Variants in TUBGCP5 observed in about 807,000 individuals in gnomAD.
TUBGCP5 encodes the protein tubulin gamma complex component 5.
TUBGCP5 carries 98 observed loss-of-function variants against 134.7 expected under a neutral mutation model. The observed-to-expected ratio is 0.73, with a 90% CI of 0.62 to 0.86. TUBGCP5 has a LOEUF of 0.86. Ranked by LOEUF, TUBGCP5 falls within the 40% of genes least tolerant of loss-of-function variation. The pLI is 0.00. For missense variants in TUBGCP5, 1,150 were observed against 1,244.8 expected (o/e 0.92, Z 1.15); for synonymous variants, 456 against 431.4 (o/e 1.06, Z -0.71).
rs576974530 is a variant in TUBGCP5 at position 22,993,373 on chromosome 15, C to T, written c.*61+3472G>A. Among the ~76,000 whole-genome samples, 26 of 150,888 alleles carry T rather than the reference C, an allele frequency of 1.7e-4. No individual in the cohort carries two copies. The South Asian group carries it at 5.1e-3, about 29-fold the overall frequency. On this transcript the variant is annotated intron_variant and NMD_transcript_variant, in intron 23 of 23. Coordinates refer to the TUBGCP5 transcript ENST00000614508. ...TCTGCCTCCCAAAGTGCTGAGATTA[C>T]AGGTGTGAGCCACCGCGCCCAGCTG...
In TUBGCP5 at chr15:23,004,148, T is replaced by G. The variant is rs200928789; in HGVS notation, c.2792A>C (p.Tyr931Ser). ...GTCATGGATGGTTGACAGATACCTA[T>G]AGTGAATTTTAATCAATTGATCTAA... ...KDLDQLIKIH[Y>S]RYLSTIHDRC... The change falls in exon 20 of 23, where the codon TAT becomes TCT. Residue 931 changes from tyrosine (Y) to serine (S), a missense_variant. Transcript: ENST00000615383. 4.3e-5 allele frequency: 69 copies of G among 1,613,442 alleles called. No homozygotes were observed. Among genetic ancestry groups the G allele is most frequent in the Middle Eastern group, 1.6e-4 (1 of 6,084 alleles).
At chr15:23,032,291 A>G (rs1369333572) in intron 4 of TUBGCP5, among the ~76,000 whole-genome samples, 1 of 152,138 alleles carries the variant, frequency 6.6e-6, no homozygotes, top group Non-Finnish European at 1.5e-5. Context: ...ATCTGAGGGG[A>G]ATTGGTTCCA....
intron 4 of TUBGCP5, 80 bp from the exon 5 acceptor site, chr15:23,032,109 T>C: frequency 2.1e-6 from 2 of 944,478 alleles, no homozygotes; most frequent in South Asian, 3.6e-5. Context: ...GAAAAAAGAC[T>C]AACAAGACTC....
At chr15:23,033,816 T>C (rs896813418) in intron 3 of TUBGCP5, among the ~76,000 whole-genome samples, 1 of 152,192 alleles carries the variant, frequency 6.6e-6, no homozygotes, top group African/African-American at 2.4e-5. Flanking sequence ...TATGAAATGG[T>C]AGGCACTTTT....
downstream of TUBGCP5, among the ~76,000 whole-genome samples, chr15:22,996,365 C>T (rs1312010868): frequency 6.6e-6 from 1 of 152,112 alleles, no homozygotes; most frequent in Non-Finnish European, 1.5e-5. Context: ...ATGTCTTGGG[C>T]TGGGTGCAAT....
chr15:23,031,052 A>T, intron 5 of TUBGCP5, 32 bp from the exon 6 acceptor site: 1 of 1,583,920 alleles, frequency 6.3e-7, no homozygotes, highest in Non-Finnish European at 8.6e-7. Flanking sequence ...CTTTAGCTTT[A>T]CAGAGTATAA....
chr15:23,018,395 C>T (rs535699120), intron 12 of TUBGCP5, among the ~76,000 whole-genome samples: 4 of 152,296 alleles, frequency 2.6e-5, no homozygotes, highest in Non-Finnish European at 5.9e-5. Context: ...AGATTCTTAA[C>T]TGGACTACTT....
intron 6 of TUBGCP5, among the ~76,000 whole-genome samples, chr15:23,029,880 CA>C (rs34652007): frequency 7.0e-6 from 1 of 142,882 alleles, no homozygotes; most frequent in Admixed American, 7.2e-5. Flanking sequence ...GACTCCGTCT[CA>C]AAAAAAGGGG....
chr15:22,993,648 G>A lies in TUBGCP5; in HGVS notation c.*61+3197C>T, dbSNP rs981026292. Among the ~76,000 whole-genome samples, 21 of 149,726 alleles carry A rather than the reference G, an allele frequency of 1.4e-4. No homozygotes were observed. In the South Asian group the frequency reaches 1.5e-3, roughly 11 times the overall value. On this transcript the variant is annotated intron_variant and NMD_transcript_variant, in intron 23 of 23. Transcript: ENST00000614508. ...CAACCTCCGCCTCCTGGGTTCAAGCGGTTCTCCTGTCTCAGCCTCCTGAGT... is the reference window on the plus strand; with the variant it reads ...CAACCTCCGCCTCCTGGGTTCAAGCAGTTCTCCTGTCTCAGCCTCCTGAGT...
downstream of TUBGCP5, among the ~76,000 whole-genome samples, chr15:22,994,514 A>C (rs996815652): frequency 1.3e-5 from 2 of 152,228 alleles, no homozygotes; most frequent in South Asian, 4.1e-4. Flanking sequence ...AAACTCAAGC[A>C]GTTTGAGACT....
chr15:22,999,930 G>A, intron 22 of TUBGCP5, 64 bp from the exon 23 acceptor site: 1 of 1,476,582 alleles, frequency 6.8e-7, no homozygotes, highest in Non-Finnish European at 9.4e-7. Context: ...AATTTTTTTT[G>A]AAGACGGAGT....
At position 23,037,019 on chromosome 15, in the gene TUBGCP5, A is replaced by G; in HGVS notation, c.201-14T>C. 6.3e-7 allele frequency: 1 copy of G among 1,593,018 alleles called. No individual in the cohort carries two copies. Among genetic ancestry groups the G allele is most frequent in the Non-Finnish European group, 8.6e-7 (1 of 1,169,348 alleles). On this transcript the variant is annotated splice_polypyrimidine_tract_variant and intron_variant, in intron 2 of 22. Coordinates refer to ENST00000615383, the MANE Select transcript of TUBGCP5 (RefSeq NM_052903.6). ...TTTTCATAAATTCTAAAATATAAGA[A>G]AAGATTATAAAGCTATCTTAAAAAG...
At chr15:23,030,176 CAG>C (rs1265810436) in intron 6 of TUBGCP5, among the ~76,000 whole-genome samples, 1 of 152,044 alleles carries the variant, frequency 6.6e-6, no homozygotes, top group African/African-American at 2.4e-5. Context: ...GCCTGGGAAA[CAG>C]AGTGAGACCC....
intron 20 of TUBGCP5, among the ~76,000 whole-genome samples, chr15:23,003,481 T>C (rs148827274): frequency 1.3e-5 from 2 of 152,320 alleles, no homozygotes; most frequent in East Asian, 3.9e-4. Flanking sequence ...ATTCTATCTA[T>C]TCACATGAAG....
Position 23,013,044 on chromosome 15 carries a change from A to G in TUBGCP5, c.1757-1713T>C, listed in dbSNP as rs1382099895. ...CTTGAACCTGTGAGGCAGAAGTTGCAGTGAGCCGAGATCATGCCACTGCAC... is the reference window on the plus strand; with the variant it reads ...CTTGAACCTGTGAGGCAGAAGTTGCGGTGAGCCGAGATCATGCCACTGCAC... On this transcript the variant is annotated intron_variant, in intron 13 of 22. Transcript: ENST00000615383. This position sits in a 1 kb window ranked among gnomAD's most constrained non-coding sequence, Gnocchi z 4.5. Among the ~76,000 whole-genome samples, 2 of 152,086 alleles carry G rather than the reference A, an allele frequency of 1.3e-5. No individual in the cohort carries two copies. Among genetic ancestry groups the G allele is most frequent in the African/African-American group, 4.8e-5 (2 of 41,410 alleles).
chr15:23,032,773 G>A lies in TUBGCP5; in HGVS notation c.361C>T (p.Pro121Ser). The A allele has an allele frequency of 6.3e-7, 1 of 1,597,680 alleles. No homozygotes were observed. Among genetic ancestry groups the A allele is most frequent in the African/African-American group, 1.3e-5 (1 of 74,344 alleles). ...GTCTCCACATAACTGCTGTTTGAAG[G>A]AGAGTCTGACAGACACAGAAGAAGT... ...LSLLLCLSDS[P>S]SNSSYVETPR... The change falls in exon 4 of 23, where the codon CCT becomes TCT. Residue 121 changes from proline to serine, a missense_variant. Coordinates refer to ENST00000615383, the MANE Select transcript of TUBGCP5 (RefSeq NM_052903.6).
intron 12 of TUBGCP5, 82 bp downstream of exon 12, chr15:23,019,137 A>ACTGAGT: frequency 1.0e-6 from 1 of 988,238 alleles, no homozygotes; most frequent in South Asian, 1.5e-5. Context: ...TACTGTCTGA[A>ACTGAGT]ACTAACGAAA....
At chr15:23,006,938 C>G (rs1440420706) in intron 16 of TUBGCP5, among the ~76,000 whole-genome samples, 1 of 152,150 alleles carries the variant, frequency 6.6e-6, no homozygotes, top group East Asian at 1.9e-4. Context: ...TCAAAATACT[C>G]CCATCAGTGG....
Position 23,020,898 on chromosome 15 carries a change from C to T in TUBGCP5, c.1371+1061G>A, listed in dbSNP as rs538053630. 2.0e-5 allele frequency among the ~76,000 whole-genome samples: 3 copies of T among 152,114 alleles called. No homozygotes were observed. In the South Asian group the frequency reaches 6.2e-4, roughly 32 times the overall value. Reference sequence around the variant, plus strand: ...GGACCATAGGCATGTGCCTCCAGAGCTGGCTACCTTTTTTGAGACAGAGTC... The same window carrying T: ...GGACCATAGGCATGTGCCTCCAGAGTTGGCTACCTTTTTTGAGACAGAGTC... On this transcript the variant is annotated intron_variant, in intron 11 of 22. Coordinates refer to ENST00000615383, the MANE Select transcript of TUBGCP5 (RefSeq NM_052903.6).
Sources: gnomAD v4.1 joint callset for allele counts (sites outside exome capture counted in the v4.1 genomes callset) on GRCh38, gnomAD v4.1.1 for gene constraint, Gnocchi (gnomAD v3.1) non-coding constraint, MANE v1.5 for transcripts, NCBI Gene and HGNC (gene_info 2026-07-23, HGNC 2026-07-21) for gene names.